TOX: variants seen among roughly 807,000 people sequenced by gnomAD.
The protein encoded by TOX is thymocyte selection associated high mobility group box.
In TOX, 11 loss-of-function variants were observed where a neutral mutation model predicts 53.7. The observed-to-expected ratio is 0.20, with a 90% confidence interval of 0.13 to 0.34. The LOEUF is 0.34. Among genes scored for constraint, TOX ranks in the 10% least tolerant of loss-of-function variants. The pLI, the probability that TOX is intolerant of heterozygous loss-of-function variation, is 1.00. For missense variants in TOX, 570 were observed against 664.6 expected, an observed-to-expected ratio of 0.86 and a Z score of 1.56; for synonymous variants, 225 against 245.3, an observed-to-expected ratio of 0.92 and a Z score of 0.77.
chr8:58,999,826 T>C (rs1813655570), intron 1 of TOX, among the ~76,000 whole-genome samples: 1 of 152,206 alleles, frequency 6.6e-6, no homozygotes, highest in Non-Finnish European at 1.5e-5. Flanking sequence ...TGAGTTTCTA[T>C]CACATCATGA....
chr8:59,066,402 T>C (rs965390556), intron 1 of TOX, among the ~76,000 whole-genome samples: 2 of 152,214 alleles, frequency 1.3e-5, no homozygotes, highest in African/African-American at 4.8e-5. Context: ...CATGGTTGCT[T>C]TTTCAAAACA....
At chr8:59,021,513 A>C in intron 1 of TOX, among the ~76,000 whole-genome samples, 1 of 119,928 alleles carries the variant, frequency 8.3e-6, no homozygotes, top group African/African-American at 2.9e-5. Flanking sequence ...CATATATACA[A>C]TGTCAGATAT....
intron 1 of TOX, among the ~76,000 whole-genome samples, chr8:59,056,252 C>T (rs918467848): frequency 6.6e-6 from 1 of 151,412 alleles, no homozygotes; most frequent in African/African-American, 2.4e-5. Flanking sequence ...ATAGCAAAAC[C>T]TCATCTTTAC....
chr8:59,018,578 C>G (rs117601884), intron 1 of TOX, among the ~76,000 whole-genome samples: 1 of 152,212 alleles, frequency 6.6e-6, no homozygotes, highest in East Asian at 1.9e-4. Context: ...CCGAGTCACA[C>G]GGAAGGATTC....
At chr8:59,032,829 G>C (rs1209368485) in intron 1 of TOX, among the ~76,000 whole-genome samples, 1 of 151,254 alleles carries the variant, frequency 6.6e-6, no homozygotes, top group Non-Finnish European at 1.5e-5. Flanking sequence ...GGTTTCTTAA[G>C]AGACCATCCT....
intron 4 of TOX, among the ~76,000 whole-genome samples, chr8:58,844,164 C>T (rs1585856280): frequency 6.6e-6 from 1 of 152,140 alleles, no homozygotes; most frequent in Non-Finnish European, 1.5e-5. Context: ...GCAGCACTGT[C>T]TCGTAAAATT....
intron 1 of TOX, among the ~76,000 whole-genome samples, chr8:59,072,296 G>A (rs1302410503): frequency 1.3e-5 from 2 of 152,090 alleles, no homozygotes; most frequent in African/African-American, 2.4e-5. Context: ...ATTCTGCCAC[G>A]GTGACTAAAA....
intron 1 of TOX, among the ~76,000 whole-genome samples, chr8:59,065,919 C>A (rs1393423299): frequency 1.3e-5 from 2 of 152,082 alleles, no homozygotes; most frequent in Non-Finnish European, 2.9e-5. Flanking sequence ...GAATAACATG[C>A]GTCCATGATT....
At chr8:58,919,059 C>T (rs1006662921) in intron 3 of TOX, among the ~76,000 whole-genome samples, 5 of 145,500 alleles carry the variant, frequency 3.4e-5, no homozygotes, top group Non-Finnish European at 4.6e-5. Context: ...TAAAAGAGGA[C>T]ACAAACAAAT....
intron 3 of TOX, among the ~76,000 whole-genome samples, chr8:58,882,282 T>G (rs1281967236): frequency 6.6e-6 from 1 of 152,254 alleles, no homozygotes; most frequent in African/African-American, 2.4e-5. Flanking sequence ...ACTCTTGTTT[T>G]TTCTTGAGTG....
chr8:58,985,459 T>C (rs1813310199), intron 1 of TOX, among the ~76,000 whole-genome samples: 1 of 152,130 alleles, frequency 6.6e-6, no homozygotes, highest in Non-Finnish European at 1.5e-5. Flanking sequence ...TCAATATTTA[T>C]ACAGACAGAA....
At chr8:58,900,304 C>T (rs920080452) in intron 3 of TOX, among the ~76,000 whole-genome samples, 1 of 151,996 alleles carries the variant, frequency 6.6e-6, no homozygotes, top group African/African-American at 2.4e-5. Flanking sequence ...AAAATGTATG[C>T]CTGGCATTTA....
At chr8:59,100,025 T>A (rs112070316) in intron 1 of TOX, among the ~76,000 whole-genome samples, 1 of 152,236 alleles carries the variant, frequency 6.6e-6, no homozygotes, top group East Asian at 1.9e-4. Context: ...TGGAGTAGAA[T>A]TGCATCTTTT....
At chr8:58,873,961 T>TTTTTTTTTTTTTG in intron 3 of TOX, among the ~76,000 whole-genome samples, 1 of 79,972 alleles carries the variant, frequency 1.3e-5, no homozygotes, top group Non-Finnish European at 3.0e-5. Flanking sequence ...CAGGAAGCTT[T>TTTTTTTTTTTTTG]TTTTTTTTTT....
intron 3 of TOX, among the ~76,000 whole-genome samples, chr8:58,890,641 T>C (rs1215233629): frequency 6.6e-6 from 1 of 152,050 alleles, no homozygotes; most frequent in East Asian, 1.9e-4. Context: ...TAGGCATTGG[T>C]AGGTAGAAGC....
intron 1 of TOX, among the ~76,000 whole-genome samples, chr8:59,094,504 G>A (rs373263396): frequency 2.0e-5 from 3 of 151,748 alleles, no homozygotes; most frequent in African/African-American, 7.3e-5. Context: ...CAGGTGTAGT[G>A]GCACACGCAT....
rs1810814982 is a variant in TOX, at chr8:58,851,220, A to C, written c.693+304T>G. ...ACACACACACACACACACGACCTTC[A>C]TTGTACCCCAGTATACTGCCTTCTT... On this transcript the variant is annotated intron_variant, in intron 4 of 8. Coordinates refer to ENST00000361421, the MANE Select transcript of TOX (RefSeq NM_014729.3). This position sits in a 1 kb window ranked among gnomAD's most constrained non-coding sequence, Gnocchi z 4.4. 2.1e-5 allele frequency among the ~76,000 whole-genome samples: 3 copies of C among 145,686 alleles called. No homozygotes were observed. The South Asian group carries it at 6.6e-4, about 32-fold the overall frequency.
Position 59,018,665 on chromosome 8 carries a change from G to A in TOX, c.103-58657C>T, listed in dbSNP as rs1051522585. Among the ~76,000 whole-genome samples, 4 of 152,160 alleles carry A rather than the reference G, an allele frequency of 2.6e-5. No individual in the cohort carries two copies. In the East Asian group the frequency reaches 5.8e-4, roughly 22 times the overall value. Reference sequence around the variant, plus strand: ...CCGGAGTTTCTTCACTCCTCCTGCAGAACCCAGAACCAACACTGGCTTGAG... The same window carrying A: ...CCGGAGTTTCTTCACTCCTCCTGCAAAACCCAGAACCAACACTGGCTTGAG... On this transcript the variant is annotated intron_variant, in intron 1 of 8. Coordinates refer to ENST00000361421, the MANE Select transcript of TOX (RefSeq NM_014729.3).
chr8:58,907,767 T>C (rs886660067), intron 3 of TOX, among the ~76,000 whole-genome samples: 2 of 152,286 alleles, frequency 1.3e-5, no homozygotes, highest in Admixed American at 6.5e-5. Context: ...CAAGTTGGTT[T>C]AATTAATGCC....
Sources: gnomAD v4.1 joint callset for allele counts (sites outside exome capture counted in the v4.1 genomes callset) on GRCh38, gnomAD v4.1.1 for gene constraint, Gnocchi (gnomAD v3.1) non-coding constraint, MANE v1.5 for transcripts, NCBI Gene and HGNC (gene_info 2026-07-23, HGNC 2026-07-21) for gene names.